The following ANKS6 variants were observed in gnomAD, a reference collection of about 807,000 sequenced individuals.
ANKS6 encodes ankyrin repeat and sterile alpha motif domain containing 6, also known as ankyrin repeat and SAM domain-containing protein 6.
In ANKS6, 47 loss-of-function variants were observed where a neutral mutation model predicts 77.9. The ratio of observed to expected loss-of-function variants is 0.60; its 90% CI spans 0.48 to 0.77. The LOEUF is 0.77. Among genes scored for constraint, ANKS6 ranks in the 30% least tolerant of loss-of-function variants. The pLI, the probability that ANKS6 is intolerant of heterozygous loss-of-function variation, is 0.00. For synonymous variants in ANKS6, 488 were observed against 501.7 expected (o/e 0.97, Z 0.37); for missense variants, 1,150 against 1,159.1 (o/e 0.99, Z 0.11).
Position 98,780,202 on chromosome 9 carries a change from T to G in ANKS6, c.1355A>C (p.Lys452Thr). The G allele has an allele frequency of 6.2e-7, 1 of 1,613,968 alleles. No homozygotes were observed. Among genetic ancestry groups the G allele is most frequent in the East Asian group, 2.2e-5 (1 of 44,872 alleles). ...GAAAAGGCAAACCTTCAGTCCACCC[T>G]TGTCATCGGGCAGCACTGGGATGCT... ...PWSIPVLPDD[K>T]GGLKSWWNRM... The change falls in exon 6 of 15, where the codon AAG (lysine) becomes ACG (threonine). Residue 452 changes from lysine (K) to threonine (T), a missense_variant. Lys to Thr is a moderately conservative substitution (Grantham distance 78). Transcript: ENST00000353234.
chr9:98,766,547 C>T (rs1407399510), intron 11 of ANKS6, among the ~76,000 whole-genome samples: 3 of 152,050 alleles, frequency 2.0e-5, no homozygotes, highest in African/African-American at 4.8e-5. Context: ...TCAGTAGAGA[C>T]TTTTTTCCTC....
At chr9:98,792,926 T>C (rs575232298) in intron 1 of ANKS6, among the ~76,000 whole-genome samples, 2 of 152,214 alleles carry the variant, frequency 1.3e-5, no homozygotes, top group Non-Finnish European at 2.9e-5. Context: ...AGCACTCAAC[T>C]ATGCTGAAAA....
In ANKS6 at chr9:98,790,458, C is replaced by T; in HGVS notation, c.508G>A (p.Val170Met). ...VKLLLEAGAF[V>M]DHHHPSGEQL... is the part of the protein sequence containing the mutation. ...TCGCCTGAAGGGTGGTGATGGTCCACAAAGGCACCGGCTTCCAGGAGCAGC... is the reference window on the plus strand; with the variant it reads ...TCGCCTGAAGGGTGGTGATGGTCCATAAAGGCACCGGCTTCCAGGAGCAGC... Residue 170 changes from valine to methionine, a missense_variant, in exon 2 of 15, where the codon GTG (valine) becomes ATG (methionine). By Grantham distance (21) the Val-to-Met change is conservative. Transcript: ENST00000353234. The T allele has an allele frequency of 1.2e-6, 2 of 1,613,830 alleles. No homozygotes were observed. Among genetic ancestry groups the T allele is most frequent in the Non-Finnish European group, 1.7e-6 (2 of 1,180,010 alleles).
At chr9:98,760,051 ATATAG>A (rs781700105) in intron 11 of ANKS6, among the ~76,000 whole-genome samples, 49 of 152,334 alleles carry the variant, frequency 3.2e-4, no homozygotes, top group Non-Finnish European at 5.4e-4. Flanking sequence ...TCTGATCACT[ATATAG>A]TATATGTATC....
intron 3 of ANKS6, 23 bp from the exon 4 acceptor site, chr9:98,784,180 G>A (rs200137562): frequency 2.0e-4 from 308 of 1,506,998 alleles, no homozygotes; most frequent in Non-Finnish European, 2.6e-4. Flanking sequence ...GCAGGAGTCC[G>A]GGTGAACTGT....
intron 5 of ANKS6, among the ~76,000 whole-genome samples, chr9:98,781,518 G>T (rs1422980163): frequency 6.6e-6 from 1 of 152,178 alleles, no homozygotes; most frequent in Non-Finnish European, 1.5e-5. Context: ...CAACCCTCTG[G>T]CTGGGACAGA....
rs1212442242 is a variant in ANKS6, at chr9:98,787,581, C to T, written c.862+2523G>A. ...GCCTCAGTACGTCTTTGTAAAGTAT[C>T]GGAATGAATGTATCATCAATCAAAA... is the stretch of plus-strand genomic sequence containing the variant. On this transcript the variant is annotated intron_variant, in intron 2 of 14. Coordinates refer to ENST00000353234, the MANE Select transcript of ANKS6 (RefSeq NM_173551.5). Among the ~76,000 whole-genome samples the T allele has an allele frequency of 3.9e-5, 6 of 152,140 alleles. No individual in the cohort carries two copies. The East Asian group carries it at 7.7e-4, about 19-fold the overall frequency.
At chr9:98,784,596 A>G in intron 3 of ANKS6, 1 of 511,038 alleles carries the variant, frequency 2.0e-6, no homozygotes, top group South Asian at 3.4e-5. Context: ...AGGAAGAGCT[A>G]GGGCATAGCT....
At position 98,756,104 on chromosome 9, in the gene ANKS6, G is replaced by T. The variant is rs370689646; in HGVS notation, c.2326+316C>A. Among the ~76,000 whole-genome samples, 5 of 152,272 alleles carry T rather than the reference G, an allele frequency of 3.3e-5. No individual in the cohort carries two copies. The East Asian group carries it at 5.8e-4, about 18-fold the overall frequency. ...AGTGGAGTTTCTCTCACTCACAACT[G>T]AAAGAATCCTGACAGGTACAGGGTC... On this transcript the variant is annotated intron_variant, in intron 12 of 14. Transcript: ENST00000353234.
At chr9:98,781,206 T>C (rs1233401497) in intron 5 of ANKS6, among the ~76,000 whole-genome samples, 2 of 152,192 alleles carry the variant, frequency 1.3e-5, no homozygotes, top group African/African-American at 4.8e-5. Flanking sequence ...AGGTTATTTC[T>C]TTTTTCTCTC....
chr9:98,767,681 T>A (rs138401065), intron 11 of ANKS6, among the ~76,000 whole-genome samples: 2 of 152,346 alleles, frequency 1.3e-5, no homozygotes, highest in East Asian at 3.9e-4. Flanking sequence ...CATGAGCTTA[T>A]CCTGTGCCAG....
intron 1 of ANKS6, among the ~76,000 whole-genome samples, chr9:98,790,913 A>G (rs1238745911): frequency 2.6e-5 from 4 of 152,182 alleles, no homozygotes; most frequent in Admixed American, 6.5e-5. Context: ...ACCTACTTCA[A>G]GGGTTGTTGG....
In ANKS6 at chr9:98,774,169, G is replaced by A. The variant is rs528686414; in HGVS notation, c.1618-89C>T. 4.0e-5 allele frequency: 48 copies of A among 1,205,638 alleles called. 1 individual carries two copies. Among genetic ancestry groups the A allele is most frequent in the African/African-American group, 1.6e-5 (1 of 63,940 alleles). 74.7% of individuals were successfully genotyped at this position (1,205,638 alleles called of 1,614,324 possible). ...CTCCATGTTTTTCCTGCTTCTTGGG[G>A]CATGGCACCACCATCCACCCCTCCA... On this transcript the variant is annotated intron_variant, in intron 8 of 14. Transcript: ENST00000353234.
chr9:98,734,474 G>A lies in ANKS6; in HGVS notation c.*2045C>T. On this transcript the variant is annotated 3_prime_UTR_variant, in exon 15 of 15. Coordinates refer to ENST00000353234, the MANE Select transcript of ANKS6 (RefSeq NM_173551.5). Reference sequence around the variant, plus strand: ...CAAAGCACATAACGTCAGGGGCCATGAATTTCAGAGGCAAACAATTCTAGG... The same window carrying A: ...CAAAGCACATAACGTCAGGGGCCATAAATTTCAGAGGCAAACAATTCTAGG... 4 of 985,428 alleles carry A rather than the reference G, an allele frequency of 4.1e-6. No individual in the cohort carries two copies. The highest frequency in any genetic ancestry group is 4.8e-6 in the Non-Finnish European group (4 of 829,934). 61.0% of individuals were successfully genotyped at this position (985,428 alleles called of 1,614,324 possible). A position where few individuals can be genotyped will look rare whatever the true frequency, so the allele number is the denominator to read the frequency against.
At chr9:98,745,909 C>T (rs897093357) in intron 13 of ANKS6, among the ~76,000 whole-genome samples, 2 of 152,134 alleles carry the variant, frequency 1.3e-5, no homozygotes, top group African/African-American at 2.4e-5. Flanking sequence ...TTTAGGAAGA[C>T]CCTTAAAATG....
chr9:98,736,174 C>T lies in ANKS6; in HGVS notation c.*345G>A, dbSNP rs112795046. The T allele has an allele frequency of 2.4e-3, 2,871 of 1,172,038 alleles. 49 individuals carry two copies. The African/African-American group carries it at 0.042, about 17-fold the overall frequency. The allele number at this position is 1,172,038 out of a possible 1,614,324, so 72.6% of individuals were successfully genotyped here. ...AGGTAAGAAGCAGCCGTGCCTTCTC[C>T]ATCGTCCCTTTCCCTTGCCGCCAGC... On this transcript the variant is annotated 3_prime_UTR_variant, in exon 15 of 15. Coordinates refer to ENST00000353234, the MANE Select transcript of ANKS6 (RefSeq NM_173551.5).
chr9:98,740,823 G>C (rs1258542858), intron 14 of ANKS6, among the ~76,000 whole-genome samples: 1 of 152,042 alleles, frequency 6.6e-6, no homozygotes, highest in Non-Finnish European at 1.5e-5. Flanking sequence ...GTAGAAAAAA[G>C]GTTCAACTAT....
chr9:98,749,320 C>G (rs1003426721), intron 13 of ANKS6, among the ~76,000 whole-genome samples: 23 of 152,226 alleles, frequency 1.5e-4, no homozygotes, highest in African/African-American at 5.5e-4. Flanking sequence ...CCTCAGGCCC[C>G]AGCTCCCTCC....
In ANKS6 at chr9:98,739,758, A is replaced by ATTTTTTTTTTT. The variant is rs749499336; in HGVS notation, c.2512-3146_2512-3136dup. 1.7e-3 allele frequency among the ~76,000 whole-genome samples: 148 copies of ATTTTTTTTTTT among 88,838 alleles called. 30 individuals are homozygous for ATTTTTTTTTTT. The highest frequency in any genetic ancestry group is 7.1e-3 in the East Asian group (24 of 3,394). 58.3% of individuals were successfully genotyped at this position (88,838 alleles called of 152,430 possible). On this transcript the variant is annotated intron_variant, in intron 14 of 14. Coordinates refer to ENST00000353234, the MANE Select transcript of ANKS6 (RefSeq NM_173551.5). Reference sequence around the variant, plus strand: ...CTCAGAGGGCAGCAGTGGATTAAACATTTTTTTTTTTTTTTTGAGACGGAG... The same window carrying ATTTTTTTTTTT: ...CTCAGAGGGCAGCAGTGGATTAAACATTTTTTTTTTTTTTTTTTTTTTTTTTTGAGACGGAG...
Sources: gnomAD v4.1 joint callset for allele counts (sites outside exome capture counted in the v4.1 genomes callset) on GRCh38, gnomAD v4.1.1 for gene constraint, MANE v1.5 for transcripts, NCBI Gene and HGNC (gene_info 2026-07-23, HGNC 2026-07-21) for gene names.